The following GALNTL6 variants were observed in gnomAD, a reference collection of about 807,000 sequenced individuals.
The protein encoded by GALNTL6 is polypeptide N-acetylgalactosaminyltransferase like 6, also known as polypeptide N-acetylgalactosaminyltransferase-like 6.
In GALNTL6, 46 loss-of-function variants were observed where a neutral mutation model predicts 73.7. The ratio of observed to expected loss-of-function variants is 0.62; its 90% confidence interval spans 0.49 to 0.80. The LOEUF is 0.80. Among genes scored for constraint, GALNTL6 ranks in the 30% least tolerant of loss-of-function variants. The pLI, the probability that GALNTL6 is intolerant of heterozygous loss-of-function variation, is 0.00. For missense variants in GALNTL6, 604 were observed against 755.0 expected (o/e 0.80, Z 2.34); for synonymous variants, 259 against 263.7 (o/e 0.98, Z 0.17).
intron 5 of GALNTL6, among the ~76,000 whole-genome samples, chr4:172,767,682 T>TG (rs1738519967): frequency 6.7e-6 from 1 of 149,596 alleles, no homozygotes; most frequent in Non-Finnish European, 1.5e-5. Context: ...TTTTTTTTTT[T>TG]TTTGAGACAG....
At chr4:171,837,722 A>G (rs1240411839) in intron 2 of GALNTL6, among the ~76,000 whole-genome samples, 1 of 147,946 alleles carries the variant, frequency 6.8e-6, no homozygotes, top group Admixed American at 6.8e-5. Context: ...TATAATATAT[A>G]AAACCACTTT....
At chr4:171,969,416 T>C (rs1425063705) in intron 2 of GALNTL6, among the ~76,000 whole-genome samples, 1 of 152,228 alleles carries the variant, frequency 6.6e-6, no homozygotes, top group East Asian at 1.9e-4. Flanking sequence ...TACAGAGCAT[T>C]ATCCGTGTCC....
At chr4:172,902,841 C>T (rs1454331436) in intron 8 of GALNTL6, among the ~76,000 whole-genome samples, 1 of 152,212 alleles carries the variant, frequency 6.6e-6, no homozygotes, top group Admixed American at 6.5e-5. Context: ...CAGACATCTA[C>T]TTATTGATTA....
intron 2 of GALNTL6, among the ~76,000 whole-genome samples, chr4:172,093,799 T>C (rs1732274267): frequency 6.6e-6 from 1 of 152,182 alleles, no homozygotes; most frequent in Non-Finnish European, 1.5e-5. Context: ...TGCAGGCTTC[T>C]TGAGAGAAGA....
intron 5 of GALNTL6, among the ~76,000 whole-genome samples, chr4:172,732,314 G>A (rs1239110993): frequency 1.3e-5 from 2 of 151,960 alleles, no homozygotes; most frequent in African/African-American, 2.4e-5. Flanking sequence ...TTCACAGTCT[G>A]TGTTGTGTAG....
At chr4:172,358,876 A>C (rs868650867) in intron 5 of GALNTL6, among the ~76,000 whole-genome samples, 13 of 150,982 alleles carry the variant, frequency 8.6e-5, no homozygotes, top group Non-Finnish European at 1.6e-4. Context: ...AAAAAAAAAA[A>C]AAAAAACAGA....
At chr4:172,462,589 G>A (rs1343633710) in intron 5 of GALNTL6, among the ~76,000 whole-genome samples, 2 of 152,112 alleles carry the variant, frequency 1.3e-5, no homozygotes, top group Non-Finnish European at 2.9e-5. Flanking sequence ...TATCTATACA[G>A]CTCCATCAGT....
intron 2 of GALNTL6, among the ~76,000 whole-genome samples, chr4:172,189,348 T>C (rs1735504235): frequency 6.6e-6 from 1 of 152,170 alleles, no homozygotes; most frequent in South Asian, 2.1e-4. Context: ...ATAGACCCCA[T>C]GGAAAACTAA....
At chr4:171,908,258 C>G (rs1415800741) in intron 2 of GALNTL6, among the ~76,000 whole-genome samples, 1 of 151,924 alleles carries the variant, frequency 6.6e-6, no homozygotes, top group Non-Finnish European at 1.5e-5. Flanking sequence ...TGACAAAGGG[C>G]TAATATCCAG....
At chr4:172,931,066 T>G (rs1748308458) in intron 8 of GALNTL6, 95 bp from the exon 9 acceptor site, 1 of 761,760 alleles carries the variant, frequency 1.3e-6, no homozygotes, top group South Asian at 1.5e-5. Flanking sequence ...ATTTAAAGAC[T>G]TTTAGAGATT....
At chr4:172,909,696 C>G (rs1171068484) in intron 8 of GALNTL6, among the ~76,000 whole-genome samples, 1 of 152,054 alleles carries the variant, frequency 6.6e-6, no homozygotes, top group Non-Finnish European at 1.5e-5. Context: ...AAAAGTGGTA[C>G]AACCTCTAGT....
intron 5 of GALNTL6, among the ~76,000 whole-genome samples, chr4:172,414,809 T>G (rs73871718): frequency 4.6e-5 from 7 of 152,178 alleles, no homozygotes; most frequent in Admixed American, 4.6e-4. Context: ...TGAGGCACTT[T>G]AGTCAATTGA....
chr4:172,380,369 G>A lies in GALNTL6; in HGVS notation c.553+31680G>A, dbSNP rs561414796. 14 of 685,914 alleles carry A rather than the reference G, an allele frequency of 2.0e-5. No individual in the cohort carries two copies. The Admixed American group carries it at 2.5e-4, about 12-fold the overall frequency. 42.5% of individuals were successfully genotyped at this position (685,914 alleles called of 1,614,324 possible). A position where few individuals can be genotyped will look rare whatever the true frequency, so the allele number is the denominator to read the frequency against. ...CTCACAGTGGGAATCCCAGGGACTG[G>A]CAATGACCACATGAAAATAATGGAT... On this transcript the variant is annotated intron_variant, in intron 5 of 12. Transcript: ENST00000506823.
chr4:172,688,719 T>C (rs1733081156), intron 5 of GALNTL6, among the ~76,000 whole-genome samples: 1 of 152,206 alleles, frequency 6.6e-6, no homozygotes, highest in Non-Finnish European at 1.5e-5. Flanking sequence ...CACTTCACTA[T>C]GGAAATGGCT....
chr4:171,975,990 T>C (rs888752414), intron 2 of GALNTL6, among the ~76,000 whole-genome samples: 3 of 152,124 alleles, frequency 2.0e-5, no homozygotes, highest in Admixed American at 2.0e-4. Flanking sequence ...TGGTGCAACC[T>C]CAGCTCATTG....
chr4:172,156,118 T>A (rs556247499), intron 2 of GALNTL6, among the ~76,000 whole-genome samples: 1 of 48,228 alleles, frequency 2.1e-5, no homozygotes, highest in South Asian at 4.2e-4. Flanking sequence ...CAGCGTCAAG[T>A]GAGGACGGGG....
chr4:172,528,056 T>C (rs1735022109), intron 5 of GALNTL6, among the ~76,000 whole-genome samples: 1 of 151,726 alleles, frequency 6.6e-6, no homozygotes, highest in South Asian at 2.1e-4. Flanking sequence ...AATTTACAGA[T>C]AGTAACTTAA....
rs116596641 is a variant in GALNTL6, at chr4:172,663,088, T to G, written c.554-146273T>G. On this transcript the variant is annotated intron_variant, in intron 5 of 12. Transcript: ENST00000506823. ...TCCTTGTGAAGCCCAGCAGTAAACA[T>G]GTGGAGGGTGGAGAATGGTTTAAGA... is the stretch of plus-strand genomic sequence containing the variant. 9.3e-3 allele frequency among the ~76,000 whole-genome samples: 1,413 copies of G among 152,106 alleles called. 14 individuals carry two copies. Among genetic ancestry groups the G allele is most frequent in the Non-Finnish European group, 0.015 (1,050 of 67,988 alleles).
At chr4:172,043,362 A>C (rs1742139132) in intron 2 of GALNTL6, among the ~76,000 whole-genome samples, 1 of 152,022 alleles carries the variant, frequency 6.6e-6, no homozygotes. Flanking sequence ...TTAAAAGTGG[A>C]AACCAGCAAT....
Sources: gnomAD v4.1 joint callset for allele counts (sites outside exome capture counted in the v4.1 genomes callset) on GRCh38, gnomAD v4.1.1 for gene constraint, MANE v1.5 for transcripts, NCBI Gene and HGNC (gene_info 2026-07-23, HGNC 2026-07-21) for gene names.